ARMC6: variants seen among roughly 807,000 people sequenced by gnomAD.
ARMC6 encodes the protein armadillo repeat containing 6.
A neutral mutation model predicts 49.2 loss-of-function variants in ARMC6; 43 were observed. The observed-to-expected ratio is 0.87, with a 90% CI of 0.69 to 1.13. The LOEUF (loss-of-function observed/expected upper bound fraction) is 1.13, where lower values mean the gene tolerates loss of function less well. ARMC6 is among the 50% of genes most tolerant of loss of function. The pLI, the probability that ARMC6 is intolerant of heterozygous loss-of-function variation, is 0.00. For synonymous variants in ARMC6, 262 were observed against 289.6 expected, an observed-to-expected ratio of 0.90 and a Z score of 0.97; for missense variants, 627 against 682.0, an observed-to-expected ratio of 0.92 and a Z score of 0.90.
At chr19:19,057,023 T>C (rs1413547198) in intron 8 of ARMC6, among the ~76,000 whole-genome samples, 2 of 152,232 alleles carry the variant, frequency 1.3e-5, no homozygotes, top group African/African-American at 4.8e-5. Context: ...AAATGTCCAC[T>C]GAATGGGTAG....
At chr19:19,039,364 A>G (rs2059394677) in intron 2 of ARMC6, 4 of 451,876 alleles carry the variant, frequency 8.9e-6, no homozygotes, top group Non-Finnish European at 1.8e-5. Flanking sequence ...CTCAAACTCC[A>G]GACTTGAAAC....
intron 2 of ARMC6, among the ~76,000 whole-genome samples, chr19:19,035,046 A>T (rs954918556): frequency 6.6e-6 from 1 of 152,058 alleles, no homozygotes; most frequent in Non-Finnish European, 1.5e-5. Flanking sequence ...GTATTTTTTT[A>T]GTAGAGACGG....
Position 19,044,081 on chromosome 19 carries a change from G to T in ARMC6, c.279+7G>T. ...CACACATGACATCCTGCAGGTAGGAGTGGGCATCCCACACAGCAGGTCCTG... is the reference window on the plus strand; with the variant it reads ...CACACATGACATCCTGCAGGTAGGATTGGGCATCCCACACAGCAGGTCCTG... On this transcript the variant is annotated splice_region_variant and intron_variant, in intron 4 of 8. Coordinates refer to ENST00000535612, the MANE Select transcript of ARMC6 (RefSeq NM_001199196.2). 6.2e-7 allele frequency: 1 copy of T among 1,613,478 alleles called. No homozygotes were observed. Among genetic ancestry groups the T allele is most frequent in the Non-Finnish European group, 8.5e-7 (1 of 1,179,420 alleles).
chr19:19,055,173 T>C lies in ARMC6; in HGVS notation c.1024-92T>C. On this transcript the variant is annotated intron_variant, in intron 6 of 8. Coordinates refer to ENST00000535612, the MANE Select transcript of ARMC6 (RefSeq NM_001199196.2). This position sits in a 1 kb window ranked among gnomAD's most constrained non-coding sequence, Gnocchi z 5.7. ...CCTGCAGTCACACCATACCTGTTGG[T>C]CAAACAGCAAAACAGCCCCACATTC... The C allele has an allele frequency of 6.8e-7, 1 of 1,472,396 alleles. No individual in the cohort carries two copies. The allele number at this position is 1,472,396 out of a possible 1,614,324, so 91.2% of individuals were successfully genotyped here.
intron 4 of ARMC6, among the ~76,000 whole-genome samples, chr19:19,045,715 G>A (rs2059444955): frequency 2.0e-5 from 3 of 150,596 alleles, no homozygotes; most frequent in East Asian, 3.9e-4. Flanking sequence ...GCAGTGGCGT[G>A]ATCTTGGCTC....
At chr19:19,043,961 C>T (rs1568490563) in intron 3 of ARMC6, 31 bp from the exon 4 acceptor site, 3 of 1,597,182 alleles carry the variant, frequency 1.9e-6, no homozygotes, top group East Asian at 2.2e-5. Flanking sequence ...CTTTCTGACC[C>T]CTGTGTGCTT....
intron 4 of ARMC6, among the ~76,000 whole-genome samples, chr19:19,044,530 TG>T (rs2059433827): frequency 6.6e-6 from 1 of 152,202 alleles, no homozygotes; most frequent in Non-Finnish European, 1.5e-5. Flanking sequence ...GTCTTAGTGA[TG>T]GGGAAACAGG....
intron 2 of ARMC6, chr19:19,037,521 C>CA (rs1290352533): frequency 1.8e-6 from 1 of 565,108 alleles, no homozygotes; most frequent in Non-Finnish European, 3.0e-6. Flanking sequence ...TGCATGCTCC[C>CA]ACACCTGGCT....
At chr19:19,056,625 G>A (rs2059547007) in intron 8 of ARMC6, among the ~76,000 whole-genome samples, 1 of 152,150 alleles carries the variant, frequency 6.6e-6, no homozygotes, top group South Asian at 2.1e-4. Flanking sequence ...AGCGTGGATG[G>A]GGATCTGCCT....
At position 19,055,674 on chromosome 19, in the gene ARMC6, G is replaced by T; in HGVS notation, c.1156-117G>T. The T allele has an allele frequency of 7.1e-7, 1 of 1,416,830 alleles. No individual in the cohort carries two copies. The highest frequency in any genetic ancestry group is 2.3e-5 in the Admixed American group (1 of 44,296). 87.8% of individuals were successfully genotyped at this position (1,416,830 alleles called of 1,614,324 possible). A position where few individuals can be genotyped will look rare whatever the true frequency, so the allele number is the denominator to read the frequency against. ...ACCCTGCCATTATTACACAGGAGTT[G>T]CCAGAGACCCACGGAGGGGAGGCCG... On this transcript the variant is annotated intron_variant, in intron 7 of 8. Transcript: ENST00000535612. This position sits in a 1 kb window ranked among gnomAD's most constrained non-coding sequence, Gnocchi z 5.7.
intron 4 of ARMC6, among the ~76,000 whole-genome samples, chr19:19,049,604 A>G (rs750355953): frequency 6.6e-6 from 1 of 152,220 alleles, no homozygotes; most frequent in Non-Finnish European, 1.5e-5. Flanking sequence ...ATGTTGTGCA[A>G]CCATCATGAC....
In ARMC6 at chr19:19,052,102, G is replaced by A. The variant is rs1160656819; in HGVS notation, c.760G>A (p.Asp254Asn). Residue 254 changes from aspartate to asparagine, a missense_variant, in exon 5 of 9, where the codon GAC becomes AAC. Transcript: ENST00000535612. ...WALRVMTFDD[D>N]IRVPFGHAHN... ...CCTGCGTGTCATGACCTTCGATGAC[G>A]ACATCCGTGTGCCCTTTGGCCATGC... 16 of 1,613,800 alleles carry A rather than the reference G, an allele frequency of 9.9e-6. No individual in the cohort carries two copies. Among genetic ancestry groups the A allele is most frequent in the South Asian group, 3.3e-5 (3 of 91,084 alleles).
At chr19:19,040,426 G>T (rs2059402910) in intron 2 of ARMC6, among the ~76,000 whole-genome samples, 1 of 151,868 alleles carries the variant, frequency 6.6e-6, no homozygotes, top group Admixed American at 6.6e-5. Context: ...TAAGTGCTAG[G>T]TTTTTTTTAA....
intron 2 of ARMC6, among the ~76,000 whole-genome samples, chr19:19,040,943 C>A (rs973016969): frequency 1.3e-5 from 2 of 152,154 alleles, no homozygotes; most frequent in Non-Finnish European, 2.9e-5. Context: ...CGTTACCTGC[C>A]CCATGACCTG....
intron 4 of ARMC6, 91 bp downstream of exon 4, chr19:19,044,165 T>A: frequency 1.5e-6 from 2 of 1,290,650 alleles, no homozygotes; most frequent in Non-Finnish European, 2.2e-6. Context: ...ATACAGGCTC[T>A]GAAGGTCATG....
At chr19:19,049,429 A>G (rs531997504) in intron 4 of ARMC6, among the ~76,000 whole-genome samples, 2 of 152,168 alleles carry the variant, frequency 1.3e-5, no homozygotes, top group Non-Finnish European at 2.9e-5. Context: ...TCTAACTCCA[A>G]TACTGTGCAT....
chr19:19,051,678 A>G lies in ARMC6; in HGVS notation c.336A>G (p.Ala112=). ...GCTCTCGCCCCCAGGAGGTGTCAGC[A>G]TACCTCACCCGCTTCTGCGACCAGT... ...VASSRPQEVS[A]YLTRFCDQCK... The change falls in exon 5 of 9, where the codon GCA becomes GCG. Residue 112 remains alanine, a synonymous_variant. Coordinates refer to ENST00000535612, the MANE Select transcript of ARMC6 (RefSeq NM_001199196.2). 7 of 1,613,552 alleles carry G rather than the reference A, an allele frequency of 4.3e-6. No homozygotes were observed. Among genetic ancestry groups the G allele is most frequent in the Non-Finnish European group, 5.9e-6 (7 of 1,179,854 alleles).
At chr19:19,054,018 C>A in intron 5 of ARMC6, 134 bp from the exon 6 acceptor site, 1 of 824,830 alleles carries the variant, frequency 1.2e-6, no homozygotes, top group East Asian at 3.3e-5. Context: ...TTCCCTGGGG[C>A]CTTCCTGGTG....
In ARMC6 at chr19:19,051,911, A is replaced by T; in HGVS notation, c.569A>T (p.Asp190Val). 6.2e-7 allele frequency: 1 copy of T among 1,614,144 alleles called. No homozygotes were observed. Among genetic ancestry groups the T allele is most frequent in the Non-Finnish European group, 8.5e-7 (1 of 1,180,022 alleles). Residue 190 changes from aspartate (D) to valine (V), a missense_variant, in exon 5 of 9, where the codon GAT becomes GTT. Physicochemically the swap from Asp to Val is radical, Grantham distance 152. Coordinates refer to ENST00000535612, the MANE Select transcript of ARMC6 (RefSeq NM_001199196.2). ...LLVATLTQNA[D>V]EADLTCSGIR... ...GTGGCCACGCTGACCCAGAATGCTG[A>T]TGAGGCTGACCTGACCTGCTCTGGG...
Sources: allele counts gnomAD v4.1 joint callset (sites outside exome capture counted in the v4.1 genomes callset), GRCh38; gene constraint gnomAD v4.1.1; non-coding constraint Gnocchi (gnomAD v3.1); transcripts MANE v1.5; gene names NCBI Gene and HGNC (gene_info 2026-07-23, HGNC 2026-07-21).